The following C7orf78 variants were observed in gnomAD, a reference collection of about 807,000 sequenced individuals.
The protein encoded by C7orf78 is putative uncharacterized protein C7orf78.
At chr7:12,525,039 T>C in the C7orf78 span, among the ~76,000 whole-genome samples, 5 of 152,108 alleles carry the variant, frequency 3.3e-5, no homozygotes, top group Non-Finnish European at 7.4e-5. Flanking sequence ...TGAAACGAAC[T>C]TGGTCTCATG....
At chr7:12,505,366 T>G in the C7orf78 span, among the ~76,000 whole-genome samples, 1 of 152,144 alleles carries the variant, frequency 6.6e-6, no homozygotes, top group Non-Finnish European at 1.5e-5. Context: ...ATCCTTGTCT[T>G]AATTATTTTA....
At chr7:12,506,771 C>T in the C7orf78 span, 1 of 333,306 alleles carries the variant, frequency 3.0e-6, no homozygotes, top group South Asian at 2.4e-5. Context: ...GCACATGTAC[C>T]CTAGAACTTA....
At chr7:12,508,055 G>C in the C7orf78 span, among the ~76,000 whole-genome samples, 2 of 152,286 alleles carry the variant, frequency 1.3e-5, no homozygotes, top group East Asian at 3.9e-4. Context: ...TTGAAATAAT[G>C]TGTGGTCTGT....
chr7:12,513,638 T>C, the C7orf78 span, among the ~76,000 whole-genome samples: 4 of 152,212 alleles, frequency 2.6e-5, no homozygotes, highest in African/African-American at 9.7e-5. Flanking sequence ...TTTTAAAATT[T>C]GTTATGACAT....
the C7orf78 span, chr7:12,507,051 A>C: frequency 3.5e-5 from 14 of 399,872 alleles, no homozygotes; most frequent in East Asian, 7.2e-4. Flanking sequence ...CTGTAATCCC[A>C]GCACTTTGGG....
chr7:12,511,159 G>A, the C7orf78 span, among the ~76,000 whole-genome samples: 2 of 152,060 alleles, frequency 1.3e-5, no homozygotes, highest in East Asian at 3.9e-4. Context: ...CCCAATGTAG[G>A]TTCTTGGTGG....
the C7orf78 span, chr7:12,522,940 C>T: frequency 2.5e-6 from 1 of 397,976 alleles, no homozygotes; most frequent in East Asian, 3.6e-5. Context: ...GCTATAGTGA[C>T]AAGCTTCACC....
chr7:12,532,285 C>G, the C7orf78 span, among the ~76,000 whole-genome samples: 19 of 152,304 alleles, frequency 1.2e-4, no homozygotes, highest in East Asian at 9.6e-4. Flanking sequence ...CATGGTGGCT[C>G]ACGCCTGTAA....
chr7:12,516,354 A>G, the C7orf78 span, among the ~76,000 whole-genome samples: 18 of 152,230 alleles, frequency 1.2e-4, no homozygotes, highest in Non-Finnish European at 2.2e-4. Context: ...ACCTCCACCT[A>G]GATTTCAGAA....
At chr7:12,484,189 T>C in the C7orf78 span, among the ~76,000 whole-genome samples, 2 of 152,206 alleles carry the variant, frequency 1.3e-5, no homozygotes, top group Admixed American at 1.3e-4. Context: ...GGCTAAGTAA[T>C]AGCAACCCTT....
chr7:12,538,483 T>C, the C7orf78 span: 1 of 152,194 alleles, frequency 6.6e-6, no homozygotes, highest in Admixed American at 6.5e-5. Context: ...TAATCAGCCA[T>C]GACATCCTCT....
the C7orf78 span, among the ~76,000 whole-genome samples, chr7:12,522,816 A>G: frequency 1.4e-4 from 22 of 152,126 alleles, no homozygotes; most frequent in African/African-American, 5.3e-4. Context: ...TGCAGCAATG[A>G]TATTTTTTTC....
chr7:12,510,087 G>A, the C7orf78 span, among the ~76,000 whole-genome samples: 53 of 151,620 alleles, frequency 3.5e-4, no homozygotes, highest in Admixed American at 3.3e-3. Flanking sequence ...TATGGTTGAC[G>A]GGTATTCTAT....
At chr7:12,498,514 G>C in the C7orf78 span, among the ~76,000 whole-genome samples, 1 of 151,972 alleles carries the variant, frequency 6.6e-6, no homozygotes, top group South Asian at 2.1e-4. Context: ...TGAAATGAAG[G>C]GAGAAGGAAA....
At chr7:12,484,718 G>A in the C7orf78 span, among the ~76,000 whole-genome samples, 1 of 152,116 alleles carries the variant, frequency 6.6e-6, no homozygotes, top group Non-Finnish European at 1.5e-5. Flanking sequence ...CAGGTTGGAG[G>A]TGTAATAGAA....
chr7:12,524,044 G>C, the C7orf78 span, among the ~76,000 whole-genome samples: 7 of 152,150 alleles, frequency 4.6e-5, no homozygotes, highest in Non-Finnish European at 8.8e-5. Flanking sequence ...GAGTTAAACA[G>C]TAGAACTGAT....
chr7:12,518,285 C>A, the C7orf78 span, among the ~76,000 whole-genome samples: 1 of 152,118 alleles, frequency 6.6e-6, no homozygotes, highest in African/African-American at 2.4e-5. Flanking sequence ...GTCCTTTAGC[C>A]CCCTGGGTGG....
the C7orf78 span, among the ~76,000 whole-genome samples, chr7:12,495,472 A>ATGT: frequency 6.6e-6 from 1 of 152,154 alleles, no homozygotes; most frequent in East Asian, 1.9e-4. Context: ...TTATGTAAAT[A>ATGT]TGTTATTTTA....
chr7:12,515,445 G>C, the C7orf78 span, among the ~76,000 whole-genome samples: 13 of 152,262 alleles, frequency 8.5e-5, no homozygotes, highest in African/African-American at 2.4e-4. Flanking sequence ...CCCAGTCTCA[G>C]ATATGTCTTT....
Sources: gnomAD v4.1 joint callset for allele counts (sites outside exome capture counted in the v4.1 genomes callset) on GRCh38, gnomAD v4.1.1 for gene constraint, MANE v1.5 for transcripts, NCBI Gene and HGNC (gene_info 2026-07-23, HGNC 2026-07-21) for gene names.